Variants in ZBTB7C observed in about 807,000 individuals in gnomAD.
ZBTB7C encodes zinc finger and BTB domain containing 7C.
In ZBTB7C, 8 loss-of-function variants were observed where a neutral mutation model predicts 25.7. The observed-to-expected ratio is 0.31, with a 90% CI of 0.18 to 0.56. The LOEUF (loss-of-function observed/expected upper bound fraction) is 0.56, where lower values mean the gene tolerates loss of function less well. Ranked by LOEUF, ZBTB7C falls within the 20% of genes least tolerant of loss-of-function variation. The pLI, the probability that ZBTB7C is intolerant of heterozygous loss-of-function variation, is 0.91. For missense variants in ZBTB7C, 824 were observed against 855.2 expected (o/e 0.96, Z 0.46); for synonymous variants, 394 against 369.0 (o/e 1.07, Z -0.78).
intron 3 of ZBTB7C, among the ~76,000 whole-genome samples, chr18:48,061,826 G>C (rs1006890915): frequency 6.6e-6 from 1 of 152,096 alleles, no homozygotes; most frequent in African/African-American, 2.4e-5. Flanking sequence ...CTAGGCATTT[G>C]GTATAATGTT....
At chr18:48,269,637 C>T (rs893863073) in intron 2 of ZBTB7C, among the ~76,000 whole-genome samples, 2 of 152,200 alleles carry the variant, frequency 1.3e-5, no homozygotes, top group Non-Finnish European at 2.9e-5. Flanking sequence ...TGAAATCCAC[C>T]ACTCACTGTA....
At chr18:48,332,892 T>C (rs1465687295) in intron 2 of ZBTB7C, among the ~76,000 whole-genome samples, 1 of 152,036 alleles carries the variant, frequency 6.6e-6, no homozygotes, top group Non-Finnish European at 1.5e-5. Context: ...ATGATAAATA[T>C]GCATCCCAAA....
At chr18:48,240,777 T>A (rs937428113) in intron 2 of ZBTB7C, among the ~76,000 whole-genome samples, 10 of 151,934 alleles carry the variant, frequency 6.6e-5, no homozygotes, top group Admixed American at 4.6e-4. Context: ...TATAAAACAA[T>A]AACACAATGA....
intron 2 of ZBTB7C, among the ~76,000 whole-genome samples, chr18:48,194,646 G>A (rs978173587): frequency 6.6e-6 from 1 of 152,158 alleles, no homozygotes; most frequent in Non-Finnish European, 1.5e-5. Context: ...ACGCTGCAGA[G>A]GCAGGGACAG....
At chr18:48,295,657 T>C (rs944595658) in intron 2 of ZBTB7C, among the ~76,000 whole-genome samples, 30 of 152,072 alleles carry the variant, frequency 2.0e-4, no homozygotes, top group Non-Finnish European at 2.9e-4. Flanking sequence ...TTTACAAAGC[T>C]CATTTTACTG....
At chr18:48,137,326 G>T (rs2040203257) in intron 3 of ZBTB7C, 1 of 985,322 alleles carries the variant, frequency 1.0e-6, no homozygotes, top group African/African-American at 1.7e-5. Flanking sequence ...TTTGGAAAAG[G>T]TAAAGCAGAA....
intron 4 of ZBTB7C, among the ~76,000 whole-genome samples, chr18:48,034,418 C>T (rs946486668): frequency 6.6e-6 from 1 of 152,080 alleles, no homozygotes; most frequent in Non-Finnish European, 1.5e-5. Flanking sequence ...CCCGTGTGTG[C>T]ATGTCTTGTG....
At chr18:48,300,815 A>G (rs1041191464) in intron 2 of ZBTB7C, among the ~76,000 whole-genome samples, 1 of 152,280 alleles carries the variant, frequency 6.6e-6, no homozygotes, top group Non-Finnish European at 1.5e-5. Flanking sequence ...CAAGGGGACA[A>G]CGAGAAGGAC....
chr18:48,101,613 C>T (rs1042655859), intron 3 of ZBTB7C, among the ~76,000 whole-genome samples: 1 of 152,176 alleles, frequency 6.6e-6, no homozygotes, highest in Admixed American at 6.5e-5. Flanking sequence ...GCAGTTTAGA[C>T]ATACTTTTCA....
intron 2 of ZBTB7C, among the ~76,000 whole-genome samples, chr18:48,281,474 C>T (rs2044847444): frequency 6.6e-6 from 1 of 152,136 alleles, no homozygotes; most frequent in Admixed American, 6.5e-5. Flanking sequence ...TCTAATTCAA[C>T]TAAAGAGCTT....
At chr18:48,190,794 G>A (rs1478312875) in intron 2 of ZBTB7C, among the ~76,000 whole-genome samples, 2 of 152,218 alleles carry the variant, frequency 1.3e-5, no homozygotes, top group African/African-American at 2.4e-5. Flanking sequence ...CATGGCCTTT[G>A]TGCCCATTGC....
chr18:48,218,213 G>C (rs192838794), intron 2 of ZBTB7C, among the ~76,000 whole-genome samples: 9 of 152,298 alleles, frequency 5.9e-5, no homozygotes, highest in African/African-American at 2.2e-4. Flanking sequence ...CCTCACCCCA[G>C]GCCTGCACAG....
At chr18:48,158,829 G>C (rs1441313322) in intron 3 of ZBTB7C, among the ~76,000 whole-genome samples, 1 of 152,204 alleles carries the variant, frequency 6.6e-6, no homozygotes, top group Non-Finnish European at 1.5e-5. Context: ...TCGAGGTTTT[G>C]AAGGCACCTG....
chr18:48,096,638 CA>C (rs1263525191), intron 3 of ZBTB7C, among the ~76,000 whole-genome samples: 2 of 152,064 alleles, frequency 1.3e-5, no homozygotes, highest in African/African-American at 4.8e-5. Context: ...GTGGGAGTCA[CA>C]GGGGGAGGGG....
At chr18:48,234,454 T>C (rs2043328073) in intron 2 of ZBTB7C, among the ~76,000 whole-genome samples, 1 of 152,230 alleles carries the variant, frequency 6.6e-6, no homozygotes, top group South Asian at 2.1e-4. Flanking sequence ...CTTCTGTTAC[T>C]GGTTTCTTGT....
chr18:48,233,429 G>A (rs1370738940), intron 2 of ZBTB7C, among the ~76,000 whole-genome samples: 1 of 152,202 alleles, frequency 6.6e-6, no homozygotes, highest in Non-Finnish European at 1.5e-5. Context: ...AATTCAGATT[G>A]TAAAAGGCTT....
chr18:48,318,096 G>A (rs902261816), intron 2 of ZBTB7C, among the ~76,000 whole-genome samples: 28 of 152,126 alleles, frequency 1.8e-4, no homozygotes, highest in African/African-American at 6.7e-4. Context: ...CTCTAGATGG[G>A]GAAACTGAGG....
chr18:48,232,801 T>A (rs1210790264), intron 2 of ZBTB7C, among the ~76,000 whole-genome samples: 1 of 152,188 alleles, frequency 6.6e-6, no homozygotes, highest in Non-Finnish European at 1.5e-5. Context: ...GCAGTTTCAT[T>A]TGCATACATC....
intron 3 of ZBTB7C, among the ~76,000 whole-genome samples, chr18:48,051,103 T>C (rs1235319479): frequency 6.6e-6 from 1 of 152,152 alleles, no homozygotes; most frequent in African/African-American, 2.4e-5. Flanking sequence ...CCCAACATCA[T>C]CGCCACCTCT....
Sources: allele counts gnomAD v4.1 joint callset (sites outside exome capture counted in the v4.1 genomes callset), GRCh38; gene constraint gnomAD v4.1.1; transcripts MANE v1.5; gene names NCBI Gene and HGNC (gene_info 2026-07-23, HGNC 2026-07-21).